The following FAM76B variants were observed in gnomAD, a reference collection of about 807,000 sequenced individuals.
The protein encoded by FAM76B is family with sequence similarity 76 member B.
In FAM76B, 16 loss-of-function variants were observed where a neutral mutation model predicts 51.8. The observed-to-expected ratio is 0.31, with a 90% CI of 0.21 to 0.47. The LOEUF is 0.47. Among genes scored for constraint, FAM76B ranks in the 20% least tolerant of loss-of-function variants. The probability of loss-of-function intolerance (pLI) is 1.00; values close to 1 mark genes in which losing one functional copy is unlikely to be tolerated. For synonymous variants in FAM76B, 166 were observed against 129.5 expected, an observed-to-expected ratio of 1.28 and a Z score of -1.91; for missense variants, 342 against 392.6, an observed-to-expected ratio of 0.87 and a Z score of 1.09.
intron 9 of FAM76B, among the ~76,000 whole-genome samples, chr11:95,774,719 G>C (rs550842534): frequency 6.6e-6 from 1 of 150,724 alleles, no homozygotes; most frequent in African/African-American, 2.4e-5. Context: ...ATAAGAATCT[G>C]ATATATGATA....
At position 95,778,952 on chromosome 11, in the gene FAM76B, G is replaced by A; in HGVS notation, c.698C>T (p.Ser233Phe). ...CCCACTATCTGCTGACTGATTTATAGAGCTACTAAAAAGAAAAAAGTAAAA... is the reference window on the plus strand; with the variant it reads ...CCCACTATCTGCTGACTGATTTATAAAGCTACTAAAAAGAAAAAAGTAAAA... Reference protein sequence around the residue: ...ESKPSNGDSSSINQSADSGGT... With the variant: ...ESKPSNGDSSFINQSADSGGT... The change falls in exon 8 of 10, where the codon TCT (serine) becomes TTT (phenylalanine). Residue 233 changes from serine to phenylalanine, a missense_variant. Transcript: ENST00000358780. 1 of 1,606,476 alleles carries A rather than the reference G, an allele frequency of 6.2e-7. No individual in the cohort carries two copies. Among genetic ancestry groups the A allele is most frequent in the Non-Finnish European group, 8.5e-7 (1 of 1,176,700 alleles).
At chr11:95,782,317 T>G (rs1026284003) in intron 5 of FAM76B, among the ~76,000 whole-genome samples, 1 of 152,124 alleles carries the variant, frequency 6.6e-6, no homozygotes, top group Non-Finnish European at 1.5e-5. Flanking sequence ...AGGAGAATTT[T>G]TTTTTCCCAA....
intron 5 of FAM76B, among the ~76,000 whole-genome samples, chr11:95,782,291 G>A (rs1860314977): frequency 6.6e-6 from 1 of 152,112 alleles, no homozygotes; most frequent in Non-Finnish European, 1.5e-5. Flanking sequence ...GGTTTGAAAT[G>A]TATGGGACCA....
intron 2 of FAM76B, among the ~76,000 whole-genome samples, chr11:95,787,893 TAAACA>T (rs1860689926): frequency 6.6e-6 from 1 of 152,238 alleles, no homozygotes; most frequent in Non-Finnish European, 1.5e-5. Flanking sequence ...TTACTTTTTG[TAAACA>T]AAACATCTTA....
chr11:95,786,388 G>T, intron 3 of FAM76B, 114 bp from the exon 4 acceptor site: 1 of 1,309,846 alleles, frequency 7.6e-7, no homozygotes, highest in Admixed American at 2.6e-5. Context: ...TAAAAAATTT[G>T]TTTTCTGTCA....
At chr11:95,784,571 TACAC>T (rs919585950) in intron 4 of FAM76B, among the ~76,000 whole-genome samples, 131 of 148,042 alleles carry the variant, frequency 8.8e-4, no homozygotes, top group African/African-American at 1.6e-3. Context: ...TGTGTATATA[TACAC>T]ACACACACAC....
chr11:95,787,161 C>A (rs1216276119), intron 3 of FAM76B, among the ~76,000 whole-genome samples: 1 of 152,204 alleles, frequency 6.6e-6, no homozygotes, highest in Non-Finnish European at 1.5e-5. Context: ...TAAATGTTAT[C>A]ACCTTTCCAT....
chr11:95,775,811 T>C, intron 9 of FAM76B, 111 bp downstream of exon 9: 3 of 531,112 alleles, frequency 5.6e-6, no homozygotes, highest in Non-Finnish European at 9.2e-6. Flanking sequence ...AAAACTGAAA[T>C]GCACCAACTA....
Position 95,789,715 on chromosome 11 carries a change from G to A in FAM76B, c.-237C>T. On this transcript the variant is annotated 5_prime_UTR_variant, in exon 1 of 10. Coordinates refer to ENST00000358780, the MANE Select transcript of FAM76B (RefSeq NM_144664.5). Reference sequence around the variant, plus strand: ...CGCCGTGCCAGCCGCTCCCGCTTAGGCCCCGATAGCGGCGGAGGGAGACGA... The same window carrying A: ...CGCCGTGCCAGCCGCTCCCGCTTAGACCCCGATAGCGGCGGAGGGAGACGA... 2 of 490,750 alleles carry A rather than the reference G, an allele frequency of 4.1e-6. No homozygotes were observed. Among genetic ancestry groups the A allele is most frequent in the Non-Finnish European group, 7.1e-6 (2 of 280,422 alleles). The allele number at this position is 490,750 out of a possible 1,614,324, so 30.4% of individuals were successfully genotyped here.
chr11:95,786,027 A>T (rs1860560373), intron 4 of FAM76B, 92 bp downstream of exon 4: 1 of 1,446,774 alleles, frequency 6.9e-7, no homozygotes, highest in Non-Finnish European at 9.4e-7. Context: ...TAAAGAATAG[A>T]TCCAGTCTCA....
At chr11:95,777,682 AAAGT>A (rs758014284) in intron 8 of FAM76B, among the ~76,000 whole-genome samples, 24 of 151,440 alleles carry the variant, frequency 1.6e-4, no homozygotes, top group Non-Finnish European at 2.7e-4. Flanking sequence ...AAATTTGCTT[AAAGT>A]AAGCTACAAA....
chr11:95,788,383 C>T (rs1046977361), intron 2 of FAM76B, 116 bp downstream of exon 2: 5 of 842,088 alleles, frequency 5.9e-6, no homozygotes, highest in Non-Finnish European at 9.3e-6. Context: ...CTTAAAATTT[C>T]TGGGGCTAAA....
At position 95,787,654 on chromosome 11, in the gene FAM76B, C is replaced by T. The variant is rs184496918; in HGVS notation, c.177G>A (p.Lys59=). The change falls in exon 3 of 10, where the codon AAG becomes AAA. Residue 59 remains lysine, a synonymous_variant. Coordinates refer to ENST00000358780, the MANE Select transcript of FAM76B (RefSeq NM_144664.5). ...CAAATTGCTTCACATTTTGAGCACA[C>T]TTCTTACAAATTGTGTTAGTTTTGC... is the stretch of plus-strand genomic sequence containing the variant. The part of the protein sequence containing the change: ...QESKTNTICK[K]CAQNVKQFGT... 9.9e-6 allele frequency: 16 copies of T among 1,610,190 alleles called. No individual in the cohort carries two copies. In the South Asian group the frequency reaches 1.7e-4, roughly 17 times the overall value.
chr11:95,779,742 TGATAA>T, intron 6 of FAM76B, 55 bp from the exon 7 acceptor site: 10 of 1,583,558 alleles, frequency 6.3e-6, no homozygotes, highest in Non-Finnish European at 8.6e-6. Flanking sequence ...AGAAACCAAA[TGATAA>T]GTTATTCATC....
intron 3 of FAM76B, chr11:95,786,531 A>G (rs751042697): frequency 3.1e-6 from 1 of 320,908 alleles, no homozygotes; most frequent in Non-Finnish European, 5.6e-6. Context: ...AGTCTGTTAG[A>G]TAATACAAAA....
chr11:95,784,195 C>G (rs546258931), intron 4 of FAM76B, among the ~76,000 whole-genome samples: 1 of 152,058 alleles, frequency 6.6e-6, no homozygotes. Flanking sequence ...GAACAGAAAA[C>G]CAAATCCTGC....
intron 3 of FAM76B, among the ~76,000 whole-genome samples, 189 bp downstream of exon 3, chr11:95,787,435 T>C (rs1295653715): frequency 6.6e-6 from 1 of 151,946 alleles, no homozygotes; most frequent in Non-Finnish European, 1.5e-5. Context: ...AGACATGGGG[T>C]TTCACCGTGT....
At chr11:95,777,572 G>A (rs1860065106) in intron 8 of FAM76B, among the ~76,000 whole-genome samples, 2 of 151,188 alleles carry the variant, frequency 1.3e-5, no homozygotes, top group African/African-American at 2.4e-5. Context: ...TTTCCATAAA[G>A]GCTCATTAAT....
At chr11:95,779,559 T>C in intron 7 of FAM76B, 48 bp downstream of exon 7, 1 of 1,468,000 alleles carries the variant, frequency 6.8e-7, no homozygotes, top group Non-Finnish European at 9.4e-7. Flanking sequence ...CAACCATAAC[T>C]ATTCAACTAA....
Sources: allele counts gnomAD v4.1 joint callset (sites outside exome capture counted in the v4.1 genomes callset), GRCh38; gene constraint gnomAD v4.1.1; transcripts MANE v1.5; gene names NCBI Gene and HGNC (gene_info 2026-07-23, HGNC 2026-07-21).